The following CELA2B variants were observed in gnomAD, a reference collection of about 807,000 sequenced individuals.
CELA2B encodes the protein chymotrypsin like elastase 2B.
Under a neutral mutation model 36.5 loss-of-function variants are expected in CELA2B, and 27 were observed. The observed-to-expected ratio is 0.74, with a 90% CI of 0.55 to 1.02. CELA2B has a LOEUF of 1.02. CELA2B is among the 50% of genes least tolerant of loss of function. The pLI, the probability that CELA2B is intolerant of heterozygous loss-of-function variation, is 0.00. For synonymous variants in CELA2B, 143 were observed against 148.5 expected (o/e 0.96, Z 0.27); for missense variants, 340 against 347.8 (o/e 0.98, Z 0.18).
At chr1:15,477,178 C>G (rs72643677) in intron 2 of CELA2B, among the ~76,000 whole-genome samples, 1 of 152,130 alleles carries the variant, frequency 6.6e-6, no homozygotes, top group African/African-American at 2.4e-5. Flanking sequence ...TTCAAGACTA[C>G]CTATGCAAAT....
chr1:15,487,956 G>A (rs1179795064), intron 7 of CELA2B, among the ~76,000 whole-genome samples: 1 of 139,590 alleles, frequency 7.2e-6, no homozygotes, highest in East Asian at 2.1e-4. Context: ...GACCATCCCA[G>A]GCAAATAAAG....
chr1:15,484,432 A>AT (rs1017201896), intron 5 of CELA2B, among the ~76,000 whole-genome samples: 2 of 152,086 alleles, frequency 1.3e-5, no homozygotes, highest in African/African-American at 2.4e-5. Flanking sequence ...ACATTATGAC[A>AT]TTTTTTCCTA....
At chr1:15,483,130 C>G (rs1327110411) in intron 4 of CELA2B, 134 bp from the exon 5 acceptor site, 1 of 1,364,580 alleles carries the variant, frequency 7.3e-7, no homozygotes, top group African/African-American at 1.5e-5. Context: ...TTCAAACATG[C>G]CCTGTGGGCC....
chr1:15,481,818 T>C (rs1205324781), intron 3 of CELA2B: 47 of 467,038 alleles, frequency 1.0e-4, no homozygotes, highest in Non-Finnish European at 2.0e-4. Context: ...TAGGAGGTGA[T>C]GGGGATACTA....
chr1:15,489,338 C>T (rs1708843614), intron 7 of CELA2B, among the ~76,000 whole-genome samples: 1 of 152,248 alleles, frequency 6.6e-6, no homozygotes, highest in Non-Finnish European at 1.5e-5. Context: ...CACGGGGCAG[C>T]ACGCCTCCCG....
In CELA2B at chr1:15,482,370, G is replaced by GAA. The variant is rs752806310; in HGVS notation, c.334_335dup (p.Asn112LysfsTer63). 6.2e-7 allele frequency: 1 copy of GAA among 1,614,178 alleles called. No individual in the cohort carries two copies. Among genetic ancestry groups the GAA allele is most frequent in the Non-Finnish European group, 8.5e-7 (1 of 1,180,016 alleles). ...CTAAGATTGTGGTGCACAAGGACTG[G>GAA]AACTCCGACCAGGTCTCCAAAGGGT... On this transcript the variant is annotated frameshift_variant, in exon 4 of 8. Transcript: ENST00000375910. LOFTEE classifies it high-confidence loss of function.
intron 7 of CELA2B, 50 bp from the exon 8 acceptor site, chr1:15,491,245 G>A (rs374773705): frequency 6.2e-6 from 10 of 1,613,204 alleles, no homozygotes; most frequent in African/African-American, 1.3e-5. Context: ...GCCACGCACA[G>A]CTCTGTGGTT....
rs764448810 is a variant in CELA2B, at chr1:15,482,398, G to C, written c.356+5G>C. ...CTCCGACCAGGTCTCCAAAGGGTTC[G>C]TTTCTATCTGGGTGCACTTGGGGGT... On this transcript the variant is annotated splice_donor_5th_base_variant and intron_variant, in intron 4 of 7. Transcript: ENST00000375910. The C allele has an allele frequency of 6.2e-7, 1 of 1,613,926 alleles. No individual in the cohort carries two copies. The highest frequency in any genetic ancestry group is 1.7e-5 in the Admixed American group (1 of 60,010).
intron 7 of CELA2B, among the ~76,000 whole-genome samples, chr1:15,489,546 C>A (rs144966456): frequency 6.6e-6 from 1 of 152,154 alleles, no homozygotes; most frequent in African/African-American, 2.4e-5. Context: ...CCTGGAGTCA[C>A]GTACCACTAG....
intron 7 of CELA2B, among the ~76,000 whole-genome samples, chr1:15,487,964 A>G (rs776847349): frequency 7.1e-5 from 8 of 112,500 alleles, no homozygotes; most frequent in Non-Finnish European, 1.2e-4. Context: ...CAGGCAAATA[A>G]AGCTGAGTTG....
At chr1:15,487,718 T>C (rs1708823152) in intron 7 of CELA2B, among the ~76,000 whole-genome samples, 1 of 152,244 alleles carries the variant, frequency 6.6e-6, no homozygotes, top group South Asian at 2.1e-4. Flanking sequence ...ACAGGAATGA[T>C]TTTATTTTTG....
chr1:15,477,269 A>G (rs1271788018), intron 2 of CELA2B, among the ~76,000 whole-genome samples: 1 of 152,246 alleles, frequency 6.6e-6, no homozygotes, highest in African/African-American at 2.4e-5. Context: ...TACCAAGGAA[A>G]ATAAATGTTT....
chr1:15,476,735 C>A (rs1191597325), intron 2 of CELA2B, among the ~76,000 whole-genome samples, 190 bp downstream of exon 2: 1 of 152,188 alleles, frequency 6.6e-6, no homozygotes, highest in Non-Finnish European at 1.5e-5. Context: ...GTTATCCCAG[C>A]ACTTTGGAAG....
intron 6 of CELA2B, among the ~76,000 whole-genome samples, chr1:15,486,908 G>C (rs1557526918): frequency 1.3e-5 from 2 of 152,198 alleles, no homozygotes; most frequent in Non-Finnish European, 2.9e-5. Flanking sequence ...AGAACCAGTG[G>C]GGAAGAGCCT....
At chr1:15,480,984 T>A (rs528438679) in intron 2 of CELA2B, 114 bp from the exon 3 acceptor site, 1 of 1,103,810 alleles carries the variant, frequency 9.1e-7, no homozygotes, top group African/African-American at 1.5e-5. Context: ...GTTGTGTACC[T>A]GAGGTGAGTG....
chr1:15,489,516 C>G (rs1222712793), intron 7 of CELA2B, among the ~76,000 whole-genome samples: 2 of 152,156 alleles, frequency 1.3e-5, no homozygotes, highest in African/African-American at 4.8e-5. Flanking sequence ...GGCCCCAACC[C>G]AGGGACACAG....
chr1:15,480,978 T>C, intron 2 of CELA2B, 120 bp from the exon 3 acceptor site: 2 of 1,017,378 alleles, frequency 2.0e-6, no homozygotes, highest in South Asian at 1.4e-5. Flanking sequence ...CCTTAAGTTG[T>C]GTACCTGAGG....
chr1:15,486,279 G>C (rs1046907891), intron 6 of CELA2B, among the ~76,000 whole-genome samples: 1 of 152,114 alleles, frequency 6.6e-6, no homozygotes, highest in Non-Finnish European at 1.5e-5. Context: ...TCAGCAGTTC[G>C]AGACCAGCCT....
chr1:15,489,559 CCCTGGGGGTGACTGA>C (rs1207989585), intron 7 of CELA2B, among the ~76,000 whole-genome samples: 1 of 152,116 alleles, frequency 6.6e-6, no homozygotes, highest in Non-Finnish European at 1.5e-5. Context: ...ACCACTAGAG[CCCTGGGGGTGACTGA>C]GAGCACCTGC....
Sources: allele counts gnomAD v4.1 joint callset (sites outside exome capture counted in the v4.1 genomes callset), GRCh38; gene constraint gnomAD v4.1.1; transcripts MANE v1.5; gene names NCBI Gene and HGNC (gene_info 2026-07-23, HGNC 2026-07-21).